Variants in TEKT1 observed in about 807,000 individuals in gnomAD.
TEKT1 encodes tektin 1, also known as tektin-1.
Under a neutral mutation model 34.8 loss-of-function variants are expected in TEKT1, and 32 were observed. The ratio of observed to expected loss-of-function variants is 0.92; its 90% CI spans 0.69 to 1.23. The LOEUF is 1.23. Among genes scored for constraint, TEKT1 ranks in the 50% most tolerant of loss-of-function variants. The probability of loss-of-function intolerance (pLI) is 0.00; values close to 1 mark genes in which losing one functional copy is unlikely to be tolerated. For synonymous variants in TEKT1, 207 were observed against 199.8 expected (o/e 1.04, Z -0.30); for missense variants, 492 against 518.5 (o/e 0.95, Z 0.50).
chr17:6,807,964 A>G (rs1021733918), intron 6 of TEKT1, among the ~76,000 whole-genome samples: 1 of 152,184 alleles, frequency 6.6e-6, no homozygotes, highest in Non-Finnish European at 1.5e-5. Context: ...CTCCAGCTGC[A>G]TGCTGGGAGA....
chr17:6,824,089 T>G (rs1448606859), intron 2 of TEKT1, among the ~76,000 whole-genome samples: 1 of 152,172 alleles, frequency 6.6e-6, no homozygotes, highest in Non-Finnish European at 1.5e-5. Flanking sequence ...CCCAAAGTGC[T>G]GGGATTACAG....
chr17:6,805,632 C>T (rs1976833416), intron 6 of TEKT1, among the ~76,000 whole-genome samples: 1 of 152,200 alleles, frequency 6.6e-6, no homozygotes, highest in Non-Finnish European at 1.5e-5. Flanking sequence ...CTACACACTG[C>T]TTCGAATGTG....
intron 6 of TEKT1, among the ~76,000 whole-genome samples, chr17:6,807,282 C>T (rs573703252): frequency 5.3e-5 from 8 of 152,280 alleles, no homozygotes; most frequent in South Asian, 2.1e-4. Context: ...CTTGTGCATT[C>T]GTCACGTAGT....
At chr17:6,820,486 A>AC (rs1468340932) in intron 2 of TEKT1, among the ~76,000 whole-genome samples, 2 of 152,178 alleles carry the variant, frequency 1.3e-5, no homozygotes, top group South Asian at 2.1e-4. Context: ...CTGTTTTAAA[A>AC]AAAAATGTTA....
intron 6 of TEKT1, among the ~76,000 whole-genome samples, chr17:6,803,863 C>G (rs555101812): frequency 4.6e-5 from 7 of 152,170 alleles, no homozygotes; most frequent in African/African-American, 1.2e-4. Flanking sequence ...GTTACTGGAG[C>G]CTTGTAGTAT....
At chr17:6,827,551 C>T (rs138741543) in intron 2 of TEKT1, among the ~76,000 whole-genome samples, 2 of 152,250 alleles carry the variant, frequency 1.3e-5, no homozygotes, top group South Asian at 2.1e-4. Context: ...GCATGAGCCA[C>T]CACACTCAGC....
chr17:6,825,365 G>A (rs1035597130), intron 2 of TEKT1, among the ~76,000 whole-genome samples: 8 of 152,146 alleles, frequency 5.3e-5, no homozygotes, highest in Non-Finnish European at 8.8e-5. Flanking sequence ...GAAGCACACC[G>A]TATCCTGGGT....
intron 1 of TEKT1, among the ~76,000 whole-genome samples, chr17:6,830,775 G>A (rs1223114663): frequency 1.3e-5 from 2 of 151,950 alleles, no homozygotes; most frequent in Non-Finnish European, 2.9e-5. Context: ...GTTCGTTCTC[G>A]TTGCTGTGTA....
At chr17:6,800,641 G>T in intron 7 of TEKT1, 106 bp downstream of exon 7, 1 of 1,354,158 alleles carries the variant, frequency 7.4e-7, no homozygotes, top group Admixed American at 2.3e-5. Flanking sequence ...AAGCATTCCA[G>T]AGCAGGCTGG....
chr17:6,812,762 G>C (rs1555554400), intron 6 of TEKT1, 69 bp downstream of exon 6: 1 of 1,476,220 alleles, frequency 6.8e-7, no homozygotes, highest in Non-Finnish European at 9.3e-7. Context: ...GGCCCAGGGG[G>C]CATTCTTGTT....
In TEKT1 at chr17:6,812,817, TC is replaced by T. The variant is rs1230867831; in HGVS notation, c.852+13del. On this transcript the variant is annotated intron_variant, in intron 6 of 7. Coordinates refer to ENST00000338694, the MANE Select transcript of TEKT1 (RefSeq NM_053285.2). ...GAATCTGCTCTTCTTCCATGCTCCC[TC>T]AAGGGACCTCACCTTGGCCAGATGA... The T allele has an allele frequency of 6.2e-7, 1 of 1,611,162 alleles. No homozygotes were observed. The highest frequency in any genetic ancestry group is 1.7e-5 in the Admixed American group (1 of 59,984).
intron 5 of TEKT1, among the ~76,000 whole-genome samples, chr17:6,813,551 GACACACACACACACAC>G (rs34316443): frequency 1.4e-4 from 19 of 135,086 alleles, no homozygotes; most frequent in African/African-American, 4.0e-4. Context: ...GAAGAAACCA[GACACACACACACACAC>G]ACACACACAC....
intron 4 of TEKT1, 147 bp downstream of exon 4, chr17:6,815,687 C>G (rs932708930): frequency 3.3e-5 from 42 of 1,277,122 alleles, no homozygotes; most frequent in Non-Finnish European, 4.4e-5. Context: ...AGCTCTTACC[C>G]TGAGTGCTGG....
At chr17:6,800,325 G>A (rs1976752411) in intron 7 of TEKT1, 91 bp from the exon 8 acceptor site, 4 of 1,123,552 alleles carry the variant, frequency 3.6e-6, no homozygotes, top group South Asian at 3.1e-5. Flanking sequence ...CAGTGCAGGA[G>A]CCAAATTGAT....
chr17:6,813,946 T>TTCTCTC (rs71157224), intron 5 of TEKT1, among the ~76,000 whole-genome samples: 5,265 of 145,882 alleles, frequency 0.036, 111 homozygotes, highest in Middle Eastern at 0.12. Context: ...CTGTCATCCG[T>TTCTCTC]TCTCTCTCTC....
rs138198972 is a variant in TEKT1, at chr17:6,800,126, G to A, written c.1158C>T (p.Asp386=). The A allele has an allele frequency of 4.6e-5, 74 of 1,613,996 alleles. No homozygotes were observed. The highest frequency in any genetic ancestry group is 5.8e-5 in the Non-Finnish European group (69 of 1,180,062). ...TCCTCATCTGCATACACAGCACTTC[G>A]TCGATATAAATGGTGTTCTCTTTGA... ...IQVKENTIYI[D]EVLCMQMRKS... is the part of the protein sequence containing the mutation. Residue 386 remains aspartate, a synonymous_variant, in exon 8 of 8, where the codon GAC becomes GAT. Transcript: ENST00000338694.
At chr17:6,824,486 C>T (rs1466024280) in intron 2 of TEKT1, among the ~76,000 whole-genome samples, 1 of 152,168 alleles carries the variant, frequency 6.6e-6, no homozygotes, top group African/African-American at 2.4e-5. Flanking sequence ...CCCACTCATC[C>T]TGCCTTTATT....
At chr17:6,801,216 A>G (rs1318787768) in intron 6 of TEKT1, among the ~76,000 whole-genome samples, 1 of 152,188 alleles carries the variant, frequency 6.6e-6, no homozygotes, top group Admixed American at 6.5e-5. Context: ...GCCTGGCCAG[A>G]GTGGGGATCT....
At chr17:6,829,198 A>G (rs1014769594) in intron 2 of TEKT1, among the ~76,000 whole-genome samples, 1 of 152,144 alleles carries the variant, frequency 6.6e-6, no homozygotes, top group Non-Finnish European at 1.5e-5. Context: ...GTCAAGAGAA[A>G]ATGACTCCTT....
Sources: allele counts gnomAD v4.1 joint callset (sites outside exome capture counted in the v4.1 genomes callset), GRCh38; gene constraint gnomAD v4.1.1; transcripts MANE v1.5; gene names NCBI Gene and HGNC (gene_info 2026-07-23, HGNC 2026-07-21).